TNR: variants seen among roughly 807,000 people sequenced by gnomAD.
TNR encodes the protein tenascin R.
TNR carries 45 observed loss-of-function variants against 150.4 expected under a neutral mutation model. The observed-to-expected ratio is 0.30, with a 90% CI of 0.24 to 0.38. TNR has a LOEUF of 0.38. Ranked by LOEUF, TNR falls within the 10% of genes least tolerant of loss-of-function variation. The pLI, the probability that TNR is intolerant of heterozygous loss-of-function variation, is 1.00. For missense variants in TNR, 1,544 were observed against 1,759.1 expected (o/e 0.88, Z 2.19); for synonymous variants, 687 against 678.4 (o/e 1.01, Z -0.20).
At chr1:175,518,687 C>T (rs138067069) in intron 2 of TNR, among the ~76,000 whole-genome samples, 1 of 152,248 alleles carries the variant, frequency 6.6e-6, no homozygotes, top group Non-Finnish European at 1.5e-5. Context: ...TAGTCATCAC[C>T]TCATTATAAC....
At chr1:175,545,352 G>C (rs1482404027) in intron 1 of TNR, among the ~76,000 whole-genome samples, 3 of 152,198 alleles carry the variant, frequency 2.0e-5, no homozygotes, top group Non-Finnish European at 4.4e-5. Flanking sequence ...AGGTGAGTGG[G>C]TGGAGATTAT....
chr1:175,541,795 A>G (rs771926896), intron 1 of TNR, among the ~76,000 whole-genome samples: 3 of 152,190 alleles, frequency 2.0e-5, no homozygotes, highest in East Asian at 1.9e-4. Flanking sequence ...CCCTGGCTCT[A>G]TGAAACTGGT....
intron 2 of TNR, among the ~76,000 whole-genome samples, chr1:175,426,527 A>G (rs1021517253): frequency 5.9e-5 from 9 of 152,154 alleles, no homozygotes; most frequent in African/African-American, 2.2e-4. Flanking sequence ...TGAAAGTGAC[A>G]AGACTGACCT....
intron 1 of TNR, among the ~76,000 whole-genome samples, chr1:175,579,649 G>A (rs1412499431): frequency 6.6e-6 from 1 of 151,106 alleles, no homozygotes; most frequent in African/African-American, 2.4e-5. Context: ...GAGGTTTTGA[G>A]GAGTACAGAC....
Position 175,403,476 on chromosome 1 carries a change from A to T in TNR, c.640T>A (p.Cys214Ser), listed in dbSNP as rs893712071. ...TCACAGATGCACTGGCCATCCACAC[A>T]CACCCCCCGGCTGGAGCAACCCAGC... ...CPLGCSSRGV[C>S]VDGQCICDSE... The change falls in exon 4 of 23, where the codon TGT (cysteine) becomes AGT (serine). Residue 214 changes from cysteine (C) to serine (S), a missense_variant. By Grantham distance (112) the Cys-to-Ser change is moderately radical. Transcript: ENST00000367674. 1 of 1,613,964 alleles carries T rather than the reference A, an allele frequency of 6.2e-7. No individual in the cohort carries two copies. The highest frequency in any genetic ancestry group is 8.5e-7 in the Non-Finnish European group (1 of 1,180,026).
chr1:175,391,549 G>A (rs963083721), intron 6 of TNR, 111 bp from the exon 7 acceptor site: 24 of 1,265,266 alleles, frequency 1.9e-5, no homozygotes, highest in Non-Finnish European at 2.4e-5. Context: ...AATTTAAAAT[G>A]GGGGCGATGT....
chr1:175,737,729 C>G (rs1667810261), intron 1 of TNR, among the ~76,000 whole-genome samples: 1 of 152,176 alleles, frequency 6.6e-6, no homozygotes, highest in Admixed American at 6.5e-5. Flanking sequence ...TCATTTACAG[C>G]CACAGCATGA....
At chr1:175,600,681 C>A (rs916595115) in intron 1 of TNR, among the ~76,000 whole-genome samples, 121 of 152,342 alleles carry the variant, frequency 7.9e-4, no homozygotes, top group African/African-American at 2.8e-3. Flanking sequence ...ACTCCTGAAG[C>A]TATGCTCCCT....
chr1:175,346,301 T>A (rs1650780891), intron 18 of TNR, among the ~76,000 whole-genome samples: 1 of 152,212 alleles, frequency 6.6e-6, no homozygotes. Context: ...AGAGAAAGCC[T>A]ATCCATAAGA....
At chr1:175,543,946 T>A (rs1660593356) in intron 1 of TNR, among the ~76,000 whole-genome samples, 1 of 152,064 alleles carries the variant, frequency 6.6e-6, no homozygotes, top group Non-Finnish European at 1.5e-5. Flanking sequence ...GAGAGAATAG[T>A]GTGAGTAAAT....
chr1:175,670,832 G>A (rs1665676995), intron 1 of TNR, among the ~76,000 whole-genome samples: 1 of 152,166 alleles, frequency 6.6e-6, no homozygotes, highest in Non-Finnish European at 1.5e-5. Context: ...CTTATACCCT[G>A]GACTAAAGAT....
At position 175,488,028 on chromosome 1, in the gene TNR, G is replaced by A. The variant is rs61175179; in HGVS notation, c.-64+40241C>T. Among the ~76,000 whole-genome samples the A allele has an allele frequency of 2.7e-3, 409 of 152,216 alleles. 3 individuals carry two copies. The highest frequency in any genetic ancestry group is 9.3e-3 in the African/African-American group (387 of 41,526). ...CTGTTTTCTGGCATGCATAAGGGTG[G>A]TTCCAAAAGTAAGAGCTAGTAATAT... is the stretch of plus-strand genomic sequence containing the variant. On this transcript the variant is annotated intron_variant, in intron 2 of 22. Transcript: ENST00000367674.
At position 175,618,719 on chromosome 1, in the gene TNR, C is replaced by T. The variant is rs78088990; in HGVS notation, c.-164-90350G>A. Among the ~76,000 whole-genome samples, 679 of 152,266 alleles carry T rather than the reference C, an allele frequency of 4.5e-3. 4 individuals are homozygous for T. The highest frequency in any genetic ancestry group is 0.015 in the African/African-American group (641 of 41,554). ...TCCCCCAACCTGGTTGGCCTGAATA[C>T]GCCAGCTTTATAATCTACAGAGGAA... On this transcript the variant is annotated intron_variant, in intron 1 of 22. Coordinates refer to ENST00000367674, the MANE Select transcript of TNR (RefSeq NM_003285.3).
intron 2 of TNR, among the ~76,000 whole-genome samples, chr1:175,450,390 A>G (rs2102092161): frequency 6.6e-6 from 1 of 152,274 alleles, no homozygotes; most frequent in South Asian, 2.1e-4. Context: ...AAATGGAGAT[A>G]TTTAGGTAGA....
intron 1 of TNR, among the ~76,000 whole-genome samples, chr1:175,735,017 G>A (rs985499781): frequency 5.3e-5 from 8 of 152,152 alleles, no homozygotes; most frequent in Non-Finnish European, 8.8e-5. Flanking sequence ...AAATATATAC[G>A]GCTTTGAATG....
At chr1:175,324,936 C>A (rs10798382) in intron 21 of TNR, among the ~76,000 whole-genome samples, 64,849 of 152,000 alleles carry the variant, frequency 0.43, 15,499 homozygotes, top group East Asian at 0.66. Context: ...CCTGGCTTCT[C>A]CCTGGCTTAC....
chr1:175,578,623 G>A (rs1275474623), intron 1 of TNR, among the ~76,000 whole-genome samples: 1 of 152,228 alleles, frequency 6.6e-6, no homozygotes, highest in Non-Finnish European at 1.5e-5. Context: ...TCCACCTTGG[G>A]TTCACTGCCT....
At chr1:175,513,105 T>C (rs1472457180) in intron 2 of TNR, among the ~76,000 whole-genome samples, 1 of 152,216 alleles carries the variant, frequency 6.6e-6, no homozygotes, top group Non-Finnish European at 1.5e-5. Context: ...GGATGTTCTG[T>C]TGGGTTGCCA....
At chr1:175,695,382 C>CA (rs143700623) in intron 1 of TNR, among the ~76,000 whole-genome samples, 4,241 of 152,340 alleles carry the variant, frequency 0.028, 192 homozygotes, top group African/African-American at 0.096. Flanking sequence ...ACTGTAACTT[C>CA]AGAGAGACCC....
Sources: allele counts gnomAD v4.1 joint callset (sites outside exome capture counted in the v4.1 genomes callset), GRCh38; gene constraint gnomAD v4.1.1; transcripts MANE v1.5; gene names NCBI Gene and HGNC (gene_info 2026-07-23, HGNC 2026-07-21).